ERBB4: variants seen among roughly 807,000 people sequenced by gnomAD.
The protein encoded by ERBB4 is erb-b2 receptor tyrosine kinase 4, also known as receptor tyrosine-protein kinase erbB-4.
Under a neutral mutation model 158.0 loss-of-function variants are expected in ERBB4, and 42 were observed. That is an observed-to-expected ratio of 0.27 (90% CI 0.21 to 0.34). The LOEUF (loss-of-function observed/expected upper bound fraction) is 0.34. Ranked by LOEUF, ERBB4 falls within the 10% of genes least tolerant of loss-of-function variation. ERBB4 has a pLI of 1.00. For synonymous variants in ERBB4, 583 were observed against 558.7 expected (o/e 1.04, Z -0.61); for missense variants, 1,333 against 1,624.1 (o/e 0.82, Z 3.08).
At chr2:212,298,372 T>G (rs6730486) in intron 1 of ERBB4, among the ~76,000 whole-genome samples, 112,420 of 151,626 alleles carry the variant, frequency 0.74, 45,856 homozygotes, top group Non-Finnish European at 0.9. Context: ...TATTTGCTAT[T>G]TTCTAACTTT....
In ERBB4 at chr2:211,379,651, ACTAAAT is replaced by A; in HGVS notation, c.*3958_*3963del. 4.3e-6 allele frequency: 1 copy of A among 231,806 alleles called. No homozygotes were observed. The highest frequency in any genetic ancestry group is 8.5e-6 in the Non-Finnish European group (1 of 117,160). 14.4% of individuals were successfully genotyped at this position (231,806 alleles called of 1,614,324 possible). A position where few individuals can be genotyped will look rare whatever the true frequency, so the allele number is the denominator to read the frequency against. ...AAATCATTTAACATCTGATAACCTA[ACTAAAT>A]CTACATCTTATAGCATTATCGTGGT... On this transcript the variant is annotated 3_prime_UTR_variant, in exon 28 of 28. Transcript: ENST00000342788.
Position 212,287,076 on chromosome 2 carries a change from A to G in ERBB4, c.83-162173T>C, listed in dbSNP as rs140874870. On this transcript the variant is annotated intron_variant, in intron 1 of 27. Coordinates refer to ENST00000342788, the MANE Select transcript of ERBB4 (RefSeq NM_005235.3). Reference sequence around the variant, plus strand: ...CGACCTTGCTCCACAGGTAGCCCAAATGGCACAACCTCGATCAGCATGTAG... The same window carrying G: ...CGACCTTGCTCCACAGGTAGCCCAAGTGGCACAACCTCGATCAGCATGTAG... Among the ~76,000 whole-genome samples the G allele has an allele frequency of 1.1e-4, 17 of 151,968 alleles. No homozygotes were observed. The East Asian group carries it at 2.9e-3, about 26-fold the overall frequency.
intron 1 of ERBB4, among the ~76,000 whole-genome samples, chr2:212,290,278 G>T (rs1234371985): frequency 6.6e-6 from 1 of 152,112 alleles, no homozygotes; most frequent in Non-Finnish European, 1.5e-5. Context: ...AGCCACCACT[G>T]TAAGTCTGAC....
chr2:212,464,896 A>T (rs1010084838), intron 1 of ERBB4, among the ~76,000 whole-genome samples: 3 of 101,018 alleles, frequency 3.0e-5, no homozygotes, highest in African/African-American at 1.2e-4. Context: ...GAAACATCAC[A>T]CACACACACA....
At chr2:211,633,913 C>T (rs933114791) in intron 16 of ERBB4, among the ~76,000 whole-genome samples, 13 of 152,180 alleles carry the variant, frequency 8.5e-5, no homozygotes, top group African/African-American at 3.1e-4. Context: ...AATCCCCACA[C>T]CTTGGGAGGC....
At chr2:212,529,786 G>C (rs571775321) in intron 1 of ERBB4, among the ~76,000 whole-genome samples, 49 of 152,284 alleles carry the variant, frequency 3.2e-4, no homozygotes, top group Middle Eastern at 3.4e-3. Context: ...ACTGGCTAGA[G>C]TAGCCAGTGA....
At chr2:211,750,851 A>G in intron 4 of ERBB4, 147 bp from the exon 5 acceptor site, 2 of 735,838 alleles carry the variant, frequency 2.7e-6, no homozygotes, top group East Asian at 2.7e-5. Flanking sequence ...TAAAATGCCC[A>G]CTTAAGTAGG....
At chr2:212,013,427 T>C (rs1399066621) in intron 2 of ERBB4, among the ~76,000 whole-genome samples, 4 of 152,128 alleles carry the variant, frequency 2.6e-5, no homozygotes, top group Admixed American at 2.0e-4. Context: ...AAGGCCTGGG[T>C]AAATATATTG....
rs146024859 is a variant in ERBB4 at position 211,425,247 on chromosome 2, CTA to C, written c.2720-948_2720-947del. Among the ~76,000 whole-genome samples, 1,154 of 152,182 alleles carry C rather than the reference CTA, an allele frequency of 7.6e-3. 16 individuals carry two copies. The highest frequency in any genetic ancestry group is 0.026 in the African/African-American group (1,083 of 41,540). On this transcript the variant is annotated intron_variant, in intron 22 of 27. Transcript: ENST00000342788. ...TCAGTATAAAATCCATTAATTAGAG[CTA>C]TGTTTTCTTTCCTATTGCCATCTGT...
Position 211,464,616 on chromosome 2 carries a change from T to C in ERBB4, c.2488-33516A>G, listed in dbSNP as rs868013499. ...AAAAGTACGTCACTAATCTCACTAA[T>C]GCATGTTCTACAACTATAAAAAGGT... On this transcript the variant is annotated intron_variant, in intron 20 of 27. Transcript: ENST00000342788. 3.2e-4 allele frequency among the ~76,000 whole-genome samples: 49 copies of C among 152,278 alleles called. No individual in the cohort carries two copies. The Middle Eastern group carries it at 0.027, about 85-fold the overall frequency.
intron 9 of ERBB4, among the ~76,000 whole-genome samples, chr2:211,709,569 A>G (rs764488094): frequency 4.6e-5 from 7 of 152,032 alleles, no homozygotes; most frequent in Non-Finnish European, 7.4e-5. Flanking sequence ...AAGTTGGCAC[A>G]TCTGGAGAGC....
At chr2:211,739,652 GCAGAGA>G (rs2074723178) in intron 5 of ERBB4, among the ~76,000 whole-genome samples, 1 of 152,072 alleles carries the variant, frequency 6.6e-6, no homozygotes, top group Admixed American at 6.5e-5. Context: ...TTGTGTTTTG[GCAGAGA>G]CAGAGTTTCA....
intron 2 of ERBB4, among the ~76,000 whole-genome samples, chr2:211,960,125 G>A (rs2081142133): frequency 6.6e-6 from 1 of 152,036 alleles, no homozygotes; most frequent in African/African-American, 2.4e-5. Context: ...TTAAATTATA[G>A]TTTTACACAA....
In ERBB4 at chr2:211,538,854, G is replaced by A. The variant is rs986169915; in HGVS notation, c.2487+23049C>T. On this transcript the variant is annotated intron_variant, in intron 20 of 27. Transcript: ENST00000342788. ...ATGTGTATGTTGTGGGACAGAAAAC[G>A]CATAACTTCCATTATTTTAGGAGTT... Among the ~76,000 whole-genome samples the A allele has an allele frequency of 4.0e-5, 6 of 151,800 alleles. No homozygotes were observed. In the South Asian group the frequency reaches 6.2e-4, roughly 16 times the overall value.
At chr2:212,316,000 C>G (rs180988600) in intron 1 of ERBB4, among the ~76,000 whole-genome samples, 31 of 151,254 alleles carry the variant, frequency 2.0e-4, no homozygotes, top group Non-Finnish European at 3.8e-4. Flanking sequence ...AAGTAAAAAG[C>G]TAAATATTGA....
chr2:211,947,526 T>C lies in ERBB4; in HGVS notation c.325A>G (p.Lys109Glu). The change falls in exon 3 of 28, where the codon AAA becomes GAA. Residue 109 changes from lysine (K) to glutamate (E), a missense_variant. Around this residue, in one of 5 missense-constraint regions of ERBB4, gnomAD observed 438 missense variants for 586.9 expected, o/e 0.75. Coordinates refer to ENST00000342788, the MANE Select transcript of ERBB4 (RefSeq NM_005235.3). ...LENLRIIRGT[K>E]LYEDRYALAI... The stretch of plus-strand genomic sequence containing the variant: ...AAGGCATATCGATCCTCATAAAGTT[T>C]TGTCCCACGAATAATGCGTAAATTC... The C allele has an allele frequency of 1.2e-6, 2 of 1,613,880 alleles. No individual in the cohort carries two copies. Among genetic ancestry groups the C allele is most frequent in the Non-Finnish European group, 1.7e-6 (2 of 1,179,902 alleles).
chr2:212,063,605 C>G (rs1278376265), intron 2 of ERBB4, among the ~76,000 whole-genome samples: 1 of 151,790 alleles, frequency 6.6e-6, no homozygotes, highest in East Asian at 1.9e-4. Context: ...GCAAACCCAG[C>G]AACCATAGGG....
chr2:211,698,874 C>T (rs191636623), intron 12 of ERBB4, among the ~76,000 whole-genome samples: 122 of 152,284 alleles, frequency 8.0e-4, no homozygotes, highest in African/African-American at 2.9e-3. Context: ...ATCATAACCA[C>T]GTAAATGATA....
intron 3 of ERBB4, among the ~76,000 whole-genome samples, chr2:211,833,679 T>C (rs1366370806): frequency 2.0e-5 from 3 of 151,902 alleles, no homozygotes; most frequent in Non-Finnish European, 4.4e-5. Flanking sequence ...TGTAAATATA[T>C]CAATTTTCAC....
Sources: gnomAD v4.1 joint callset for allele counts (sites outside exome capture counted in the v4.1 genomes callset) on GRCh38, gnomAD v4.1.1 for gene constraint, gnomAD v4.1.1 regional missense constraint, MANE v1.5 for transcripts, NCBI Gene and HGNC (gene_info 2026-07-23, HGNC 2026-07-21) for gene names.